The following NR2F1-AS1 variants were observed in gnomAD, a reference collection of about 807,000 sequenced individuals.
NR2F1-AS1 encodes NR2F1 regulatory antisense RNA 1, also known as NR2F1 antisense RNA 1.
intron 4 of NR2F1-AS1, among the ~76,000 whole-genome samples, chr5:93,525,804 C>T (rs906261634): frequency 5.9e-5 from 9 of 152,072 alleles, no homozygotes; most frequent in African/African-American, 1.7e-4. Context: ...TTCTTAGAAA[C>T]CAATGAGAAC....
intron 4 of NR2F1-AS1, among the ~76,000 whole-genome samples, chr5:93,497,793 T>C (rs1158211184): frequency 6.6e-6 from 1 of 152,124 alleles, no homozygotes; most frequent in East Asian, 1.9e-4. Flanking sequence ...GAAGTCAAAG[T>C]TAAGATTCTC....
intron 4 of NR2F1-AS1, among the ~76,000 whole-genome samples, chr5:93,495,784 G>A (rs577261634): frequency 6.6e-6 from 1 of 151,914 alleles, no homozygotes; most frequent in Non-Finnish European, 1.5e-5. Context: ...ATATGATGAA[G>A]AGGAAATTAT....
intron 4 of NR2F1-AS1, among the ~76,000 whole-genome samples, chr5:93,536,160 G>GA (rs1254551131): frequency 4.0e-5 from 6 of 151,840 alleles, no homozygotes; most frequent in African/African-American, 1.5e-4. Context: ...TGAACTATGT[G>GA]AAAAAAACAT....
At chr5:93,566,561 A>G (rs1375085852) in intron 1 of NR2F1-AS1, among the ~76,000 whole-genome samples, 1 of 152,050 alleles carries the variant, frequency 6.6e-6, no homozygotes, top group Non-Finnish European at 1.5e-5. Flanking sequence ...GAACACAAGA[A>G]AAAGAGTGTT....
chr5:93,585,221 G>A, upstream of NR2F1-AS1: 3 of 1,546,952 alleles, frequency 1.9e-6, no homozygotes, highest in Middle Eastern at 3.4e-4. Context: ...CCCCCGGCAC[G>A]GCGGGGGACA....
chr5:93,427,129 T>G (rs1003347845), intron 4 of NR2F1-AS1, among the ~76,000 whole-genome samples: 7 of 152,198 alleles, frequency 4.6e-5, no homozygotes, highest in African/African-American at 9.7e-5. Flanking sequence ...AAGGGGCAAC[T>G]GTAATGGTAG....
chr5:93,505,553 C>T (rs950218285), intron 4 of NR2F1-AS1, among the ~76,000 whole-genome samples: 25 of 152,352 alleles, frequency 1.6e-4, no homozygotes, highest in African/African-American at 6.0e-4. Context: ...TTCCACACAT[C>T]TTCTGAAATC....
At chr5:93,451,096 C>A (rs1388557072) in intron 4 of NR2F1-AS1, among the ~76,000 whole-genome samples, 1 of 152,018 alleles carries the variant, frequency 6.6e-6, no homozygotes, top group Non-Finnish European at 1.5e-5. Context: ...TTACTATCAT[C>A]CACCTGCCAC....
At chr5:93,559,181 G>C (rs528717876) in intron 2 of NR2F1-AS1, among the ~76,000 whole-genome samples, 1 of 152,202 alleles carries the variant, frequency 6.6e-6, no homozygotes, top group Non-Finnish European at 1.5e-5. Context: ...AGATCTTCTG[G>C]ATAACTTGCT....
intron 4 of NR2F1-AS1, among the ~76,000 whole-genome samples, chr5:93,458,491 GA>G (rs1397050941): frequency 2.0e-5 from 3 of 152,162 alleles, no homozygotes; most frequent in African/African-American, 7.2e-5. Flanking sequence ...TATAGTGTAA[GA>G]TAAGCATATA....
intron 4 of NR2F1-AS1, among the ~76,000 whole-genome samples, chr5:93,494,540 A>T (rs1231387764): frequency 6.6e-6 from 1 of 152,124 alleles, no homozygotes; most frequent in Non-Finnish European, 1.5e-5. Flanking sequence ...ACTTGAACCC[A>T]GGAGGTGAAG....
At chr5:93,419,914 G>A (rs1749052747) in intron 4 of NR2F1-AS1, among the ~76,000 whole-genome samples, 1 of 152,054 alleles carries the variant, frequency 6.6e-6, no homozygotes, top group Non-Finnish European at 1.5e-5. Context: ...TATCATCTTG[G>A]GGCCGGGCAT....
At chr5:93,501,665 T>G (rs1751082754) in intron 4 of NR2F1-AS1, among the ~76,000 whole-genome samples, 1 of 152,172 alleles carries the variant, frequency 6.6e-6, no homozygotes, top group Admixed American at 6.6e-5. Flanking sequence ...AAAGTGGTTT[T>G]CTGAAATAGA....
Position 93,422,539 on chromosome 5 carries a change from C to T in NR2F1-AS1, n.639-26997G>A, listed in dbSNP as rs1033558253. 2.2e-4 allele frequency: 33 copies of T among 152,210 alleles called. 1 individual carries two copies. Among genetic ancestry groups the T allele is most frequent in the Non-Finnish European group, 1.5e-5 (1 of 68,032 alleles). 9.4% of individuals were successfully genotyped at this position (152,210 alleles called of 1,614,324 possible). ...GGAGCAAAAAATGGAATTGGAAAGA[C>T]AATAGCCAGGGGAAAGTGAAAAGGC... On this transcript the variant is annotated intron_variant and non_coding_transcript_variant, in intron 4 of 5. Transcript: ENST00000660523.
chr5:93,429,502 A>G (rs1749266107), intron 4 of NR2F1-AS1, among the ~76,000 whole-genome samples: 1 of 152,198 alleles, frequency 6.6e-6, no homozygotes, highest in African/African-American at 2.4e-5. Context: ...TCTAGTTGAA[A>G]GGAAATTTCA....
intron 4 of NR2F1-AS1, among the ~76,000 whole-genome samples, chr5:93,453,286 C>G (rs1274812037): frequency 6.6e-6 from 1 of 150,550 alleles, no homozygotes; most frequent in African/African-American, 2.4e-5. Flanking sequence ...AGAAAAAGAC[C>G]CCCCAAAATA....
chr5:93,512,860 C>T (rs1414732375), intron 4 of NR2F1-AS1, among the ~76,000 whole-genome samples: 1 of 152,100 alleles, frequency 6.6e-6, no homozygotes, highest in Non-Finnish European at 1.5e-5. Flanking sequence ...GTAGGCTATA[C>T]CATGTAGGTT....
chr5:93,555,765 C>T (rs192014537), intron 2 of NR2F1-AS1, among the ~76,000 whole-genome samples: 1 of 152,110 alleles, frequency 6.6e-6, no homozygotes, highest in Non-Finnish European at 1.5e-5. Flanking sequence ...TTAGACAATA[C>T]TACAGACACT....
At chr5:93,546,368 T>A (rs1359239969) in intron 4 of NR2F1-AS1, among the ~76,000 whole-genome samples, 3 of 152,128 alleles carry the variant, frequency 2.0e-5, no homozygotes, top group Admixed American at 6.6e-5. Flanking sequence ...TAGAAAGCAA[T>A]ATCAAAGAAA....
Sources: gnomAD v4.1 joint callset for allele counts (sites outside exome capture counted in the v4.1 genomes callset) on GRCh38, gnomAD v4.1.1 for gene constraint, MANE v1.5 for transcripts, NCBI Gene and HGNC (gene_info 2026-07-23, HGNC 2026-07-21) for gene names.